The following EIF3H variants were observed in gnomAD, a reference collection of about 807,000 sequenced individuals.
EIF3H encodes the protein eIF-3-gamma.
Under a neutral mutation model 44.2 loss-of-function variants are expected in EIF3H, and 26 were observed. The observed-to-expected ratio is 0.59, with a 90% confidence interval of 0.43 to 0.82. The LOEUF (loss-of-function observed/expected upper bound fraction) is 0.82, where lower values mean the gene tolerates loss of function less well. Ranked by LOEUF, EIF3H falls within the 40% of genes least tolerant of loss-of-function variation. The pLI, the probability that EIF3H is intolerant of heterozygous loss-of-function variation, is 0.00. For synonymous variants in EIF3H, 166 were observed against 151.9 expected, an observed-to-expected ratio of 1.09 and a Z score of -0.68; for missense variants, 359 against 432.8, an observed-to-expected ratio of 0.83 and a Z score of 1.51.
intron 1 of EIF3H, 30 bp downstream of exon 1, chr8:116,755,636 G>A (rs1815428145): frequency 6.2e-7 from 1 of 1,613,138 alleles, no homozygotes; most frequent in Non-Finnish European, 8.5e-7. Context: ...CGCTCCCCAC[G>A]TGGGCCAGAG....
exon 1 of EIF3H, chr8:116,765,788 C>G (rs1815565698): frequency 6.6e-6 from 1 of 152,204 alleles, no homozygotes. Flanking sequence ...GGGTTTGTGG[C>G]AAAACCAGGA....
chr8:116,738,119 A>G (rs536697382), intron 1 of EIF3H, among the ~76,000 whole-genome samples: 1 of 152,124 alleles, frequency 6.6e-6, no homozygotes, highest in African/African-American at 2.4e-5. Context: ...AGAATGGAGC[A>G]TGTGTTTGTT....
chr8:116,701,714 A>C (rs1342782733), intron 2 of EIF3H, among the ~76,000 whole-genome samples: 2 of 152,202 alleles, frequency 1.3e-5, no homozygotes, highest in African/African-American at 4.8e-5. Context: ...AAATTGATAG[A>C]TAATGTATAA....
chr8:116,671,982 G>A (rs1466917598), intron 2 of EIF3H, among the ~76,000 whole-genome samples: 1 of 152,110 alleles, frequency 6.6e-6, no homozygotes, highest in Non-Finnish European at 1.5e-5. Context: ...AAACCTAAAT[G>A]CCCTTAAAAA....
intron 1 of EIF3H, among the ~76,000 whole-genome samples, chr8:116,740,881 C>T (rs1318163468): frequency 1.3e-5 from 2 of 152,008 alleles, no homozygotes; most frequent in Non-Finnish European, 2.9e-5. Context: ...CCTTATCTAC[C>T]CTACCCATAC....
intron 6 of EIF3H, among the ~76,000 whole-genome samples, chr8:116,646,820 A>G (rs751283400): frequency 2.0e-5 from 3 of 152,148 alleles, no homozygotes; most frequent in Non-Finnish European, 4.4e-5. Context: ...CTCTAGCTCT[A>G]AGAGTCTATA....
intron 2 of EIF3H, among the ~76,000 whole-genome samples, chr8:116,677,058 G>A (rs1813861111): frequency 6.6e-6 from 1 of 152,096 alleles, no homozygotes; most frequent in Admixed American, 6.5e-5. Flanking sequence ...CAAGGAAAGG[G>A]GAGAAATTCC....
At chr8:116,657,949 T>C (rs1563634369) in intron 3 of EIF3H, among the ~76,000 whole-genome samples, 1 of 152,236 alleles carries the variant, frequency 6.6e-6, no homozygotes, top group Non-Finnish European at 1.5e-5. Context: ...AATATTCGCC[T>C]AAAACCTGTG....
chr8:116,733,139 A>G (rs1198766837), intron 1 of EIF3H, among the ~76,000 whole-genome samples: 1 of 152,180 alleles, frequency 6.6e-6, no homozygotes, highest in Non-Finnish European at 1.5e-5. Flanking sequence ...CTTTACTTAC[A>G]TTTATCACTT....
Position 116,642,516 on chromosome 8 carries a change from GATT to G in EIF3H, c.*2487_*2489del, listed in dbSNP as rs1417782813. ...TTTAAGAATAATGTTATGATTATTA[GATT>G]ATTATCAATGATTAGAAAGTTAATG... On this transcript the variant is annotated 3_prime_UTR_variant, in exon 8 of 8. Transcript: ENST00000521861. 21 of 152,096 alleles carry G rather than the reference GATT, an allele frequency of 1.4e-4. No individual in the cohort carries two copies. Among genetic ancestry groups the G allele is most frequent in the African/African-American group, 2.4e-4 (10 of 41,390 alleles). The allele number at this position is 152,096 out of a possible 1,614,324, so 9.4% of individuals were successfully genotyped here.
Position 116,684,190 on chromosome 8 carries a change from A to C in EIF3H, c.290-25210T>G, listed in dbSNP as rs529560776. ...GAGCCTGTCTTTGTTCTATGTTTTAATCTCAAAGAGATGCTCTTATACAAC... is the reference window on the plus strand; with the variant it reads ...GAGCCTGTCTTTGTTCTATGTTTTACTCTCAAAGAGATGCTCTTATACAAC... On this transcript the variant is annotated intron_variant, in intron 2 of 7. Coordinates refer to ENST00000521861, the MANE Select transcript of EIF3H (RefSeq NM_003756.3). 1.2e-4 allele frequency among the ~76,000 whole-genome samples: 18 copies of C among 152,348 alleles called. No individual in the cohort carries two copies. The South Asian group carries it at 2.9e-3, about 25-fold the overall frequency.
At chr8:116,742,151 T>C (rs1316534189) in intron 1 of EIF3H, among the ~76,000 whole-genome samples, 1 of 152,182 alleles carries the variant, frequency 6.6e-6, no homozygotes, top group African/African-American at 2.4e-5. Flanking sequence ...CCAATACACT[T>C]AATCAATATC....
chr8:116,668,501 T>C (rs1813702991), intron 2 of EIF3H, among the ~76,000 whole-genome samples: 1 of 152,230 alleles, frequency 6.6e-6, no homozygotes, highest in South Asian at 2.1e-4. Flanking sequence ...AAAAGTTTTC[T>C]GTTGCTTGCC....
At chr8:116,747,796 G>C (rs1247173301) in intron 1 of EIF3H, among the ~76,000 whole-genome samples, 1 of 152,142 alleles carries the variant, frequency 6.6e-6, no homozygotes, top group Non-Finnish European at 1.5e-5. Context: ...CAAATTCGAA[G>C]TATTTGATTC....
chr8:116,754,301 C>T (rs1053964642), intron 1 of EIF3H, among the ~76,000 whole-genome samples: 7 of 152,064 alleles, frequency 4.6e-5, no homozygotes, highest in Admixed American at 1.3e-4. Context: ...TTAGTAGAGA[C>T]GGGGTTTCAC....
intron 2 of EIF3H, among the ~76,000 whole-genome samples, chr8:116,703,801 T>A (rs747093087): frequency 2.0e-5 from 3 of 152,198 alleles, no homozygotes; most frequent in Non-Finnish European, 4.4e-5. Flanking sequence ...TAGGTGGTAG[T>A]GGTCCCCCAG....
chr8:116,686,724 A>G (rs1223643969), intron 2 of EIF3H, among the ~76,000 whole-genome samples: 3 of 152,074 alleles, frequency 2.0e-5, no homozygotes, highest in African/African-American at 7.2e-5. Flanking sequence ...GGGAATTAGG[A>G]AAGGCTTTGC....
chr8:116,657,274 T>A lies in EIF3H; in HGVS notation c.498A>T (p.Ala166=). The A allele has an allele frequency of 6.2e-7, 1 of 1,613,818 alleles. No individual in the cohort carries two copies. The highest frequency in any genetic ancestry group is 8.5e-7 in the Non-Finnish European group (1 of 1,179,744). The change falls in exon 4 of 8, where the codon GCA becomes GCT. Residue 166 remains alanine (A), a synonymous_variant. Coordinates refer to ENST00000521861, the MANE Select transcript of EIF3H (RefSeq NM_003756.3). The stretch of plus-strand genomic sequence containing the variant: ...CCATCAGTTTAGGAGTCAGTCTGTA[T>A]GCCTTTAGTGAGAGAGATCCTTGGG... ...KTAQGSLSLK[A]YRLTPKLMEV... is the part of the protein sequence containing the mutation.
chr8:116,756,454 T>G (rs1450745518), upstream of EIF3H, among the ~76,000 whole-genome samples: 1 of 152,230 alleles, frequency 6.6e-6, no homozygotes, highest in Non-Finnish European at 1.5e-5. Flanking sequence ...TCACGCTGAT[T>G]TATGACACAT....
Sources: allele counts gnomAD v4.1 joint callset (sites outside exome capture counted in the v4.1 genomes callset), GRCh38; gene constraint gnomAD v4.1.1; transcripts MANE v1.5; gene names NCBI Gene and HGNC (gene_info 2026-07-23, HGNC 2026-07-21).